Variants in CSMD2 observed in about 807,000 individuals in gnomAD.
CSMD2 encodes the protein CUB and sushi domain-containing protein 2.
CSMD2 carries 130 observed loss-of-function variants against 398.5 expected under a neutral mutation model. That is an observed-to-expected ratio of 0.33 (90% CI 0.28 to 0.38). CSMD2 has a LOEUF of 0.38. CSMD2 is among the 10% of genes least tolerant of loss of function. The pLI, the probability that CSMD2 is intolerant of heterozygous loss-of-function variation, is 1.00. For missense variants in CSMD2, 3,829 were observed against 4,764.9 expected, an observed-to-expected ratio of 0.80 and a Z score of 5.78; for synonymous variants, 1,828 against 1,908.5, an observed-to-expected ratio of 0.96 and a Z score of 1.10.
chr1:33,628,668 C>CAA (rs35461345), intron 32 of CSMD2, among the ~76,000 whole-genome samples: 72 of 83,960 alleles, frequency 8.6e-4, no homozygotes, highest in East Asian at 5.6e-3. Flanking sequence ...GACTCTGTCT[C>CAA]AAAAAAAAAA....
intron 2 of CSMD2, among the ~76,000 whole-genome samples, chr1:34,067,385 T>C (rs766781271): frequency 5.9e-5 from 9 of 152,210 alleles, no homozygotes; most frequent in Non-Finnish European, 8.8e-5. Context: ...GCAGTTCTTA[T>C]GTGCTGCCTG....
intron 2 of CSMD2, among the ~76,000 whole-genome samples, chr1:34,042,790 C>G (rs1652005885): frequency 6.6e-6 from 1 of 152,154 alleles, no homozygotes. Flanking sequence ...TCTACCCACA[C>G]TGGCTTCTAT....
chr1:33,772,416 C>A (rs868021209), intron 13 of CSMD2, 153 bp downstream of exon 13: 24 of 626,838 alleles, frequency 3.8e-5, no homozygotes, highest in African/African-American at 1.1e-4. Context: ...AGGACCCCAC[C>A]AGCAACGTTC....
intron 15 of CSMD2, among the ~76,000 whole-genome samples, chr1:33,732,649 G>C (rs1646758563): frequency 6.6e-6 from 1 of 152,224 alleles, no homozygotes; most frequent in African/African-American, 2.4e-5. Context: ...AAGGCACCAA[G>C]TCTGTGGCAC....
rs1007172601 is a variant in CSMD2 at position 33,533,131 on chromosome 1, C to G, written c.10090G>C (p.Gly3364Arg). ...GYTLIYSCQE[G>R]FSLKGGSEHR... ...TCGGAGCCACCCTTGAGGGAGAAGC[C>G]CTCCTGGCAGGAGTAGATGAGCGTG... The change falls in exon 64 of 71, where the codon GGC (glycine) becomes CGC (arginine). Residue 3364 changes from glycine to arginine, a missense_variant. Gly to Arg is a moderately radical substitution (Grantham distance 125, BLOSUM62 -2). This residue lies in a region of CSMD2 where 917 missense variants were observed against 1,199.5 expected (regional missense o/e 0.76). Transcript: ENST00000373381. The surrounding 1 kb of genome is among the most constrained non-coding windows in gnomAD (Gnocchi z 4.2). The G allele has an allele frequency of 6.2e-7, 1 of 1,613,930 alleles. No individual in the cohort carries two copies. The highest frequency in any genetic ancestry group is 8.5e-7 in the Non-Finnish European group (1 of 1,180,024).
intron 1 of CSMD2, among the ~76,000 whole-genome samples, chr1:34,090,215 G>A (rs1658397945): frequency 1.3e-5 from 2 of 152,178 alleles, no homozygotes; most frequent in South Asian, 2.1e-4. Flanking sequence ...GATTCAGATC[G>A]ACACCGGGGT....
At chr1:33,981,650 CTGGAGCTTTCAGTCTCATG>C (rs1646170650) in intron 3 of CSMD2, among the ~76,000 whole-genome samples, 1 of 152,248 alleles carries the variant, frequency 6.6e-6, no homozygotes, top group Non-Finnish European at 1.5e-5. Flanking sequence ...TGCCACTCTC[CTGGAGCTTTCAGTCTCATG>C]AAGGAGACAG....
intron 3 of CSMD2, among the ~76,000 whole-genome samples, chr1:33,994,765 C>G (rs151043419): frequency 6.6e-6 from 1 of 152,232 alleles, no homozygotes; most frequent in East Asian, 1.9e-4. Context: ...AGTTGGTTTA[C>G]GTAGCTAAGC....
At chr1:33,904,902 T>C (rs1642992025) in intron 5 of CSMD2, among the ~76,000 whole-genome samples, 1 of 152,116 alleles carries the variant, frequency 6.6e-6, no homozygotes, top group Admixed American at 6.5e-5. Context: ...CGCCTCGGCC[T>C]CCCAAAGTGC....
intron 29 of CSMD2, among the ~76,000 whole-genome samples, chr1:33,643,889 T>TGAAGGAAGGAAGGAAGGAAG (rs3078758): frequency 1.4e-3 from 203 of 142,908 alleles, no homozygotes; most frequent in African/African-American, 5.1e-3. Flanking sequence ...AGTCTGGGAA[T>TGAAGGAAGGAAGGAAGGAAG]GAAGGAAGGA....
At chr1:33,662,054 C>A (rs1644154528) in intron 26 of CSMD2, among the ~76,000 whole-genome samples, 2 of 152,032 alleles carry the variant, frequency 1.3e-5, no homozygotes, top group South Asian at 4.2e-4. Context: ...ATGGAAGAGG[C>A]ACTTCAGAGG....
intron 13 of CSMD2, among the ~76,000 whole-genome samples, chr1:33,750,053 A>G (rs911130276): frequency 2.0e-5 from 3 of 152,174 alleles, no homozygotes; most frequent in Non-Finnish European, 4.4e-5. Context: ...CAATAAGCCA[A>G]CATGACCTAC....
intron 7 of CSMD2, 133 bp downstream of exon 7, chr1:33,825,564 C>A: frequency 1.2e-6 from 1 of 811,766 alleles, no homozygotes; most frequent in Admixed American, 2.3e-5. Flanking sequence ...TGTCCAAGCG[C>A]AGAGCCCAGG....
chr1:33,950,135 T>C (rs896974168), intron 3 of CSMD2, among the ~76,000 whole-genome samples: 1 of 152,114 alleles, frequency 6.6e-6, no homozygotes, highest in Admixed American at 6.6e-5. Flanking sequence ...CTCAGTTTCT[T>C]CTCTTGGACT....
intron 6 of CSMD2, among the ~76,000 whole-genome samples, chr1:33,842,028 C>G (rs1660903175): frequency 6.6e-6 from 1 of 152,158 alleles, no homozygotes; most frequent in Non-Finnish European, 1.5e-5. Flanking sequence ...AGATAGTCTC[C>G]CAATCCCTGA....
At chr1:34,052,659 T>C (rs933076007) in intron 2 of CSMD2, among the ~76,000 whole-genome samples, 2 of 152,106 alleles carry the variant, frequency 1.3e-5, no homozygotes, top group Admixed American at 6.5e-5. Flanking sequence ...CCTATCTTCC[T>C]CTATCTGAAT....
intron 1 of CSMD2, among the ~76,000 whole-genome samples, chr1:34,143,405 T>TGAAG (rs1639486232): frequency 1.3e-5 from 2 of 152,198 alleles, no homozygotes; most frequent in Non-Finnish European, 2.9e-5. Context: ...AAGTCATCCC[T>TGAAG]GATAGGCGCT....
At chr1:33,741,468 C>G (rs958718566) in intron 14 of CSMD2, among the ~76,000 whole-genome samples, 7 of 152,192 alleles carry the variant, frequency 4.6e-5, no homozygotes, top group Non-Finnish European at 8.8e-5. Context: ...TCTAATTCAG[C>G]AGGTCTAGGA....
intron 51 of CSMD2, 144 bp from the exon 52 acceptor site, chr1:33,569,691 G>A (rs1385357921): frequency 1.2e-6 from 1 of 811,684 alleles, no homozygotes; most frequent in Non-Finnish European, 1.9e-6. Flanking sequence ...TTGTGTTGCT[G>A]ACTTGTGTGA....
Sources: allele counts gnomAD v4.1 joint callset (sites outside exome capture counted in the v4.1 genomes callset), GRCh38; gene constraint gnomAD v4.1.1; regional missense constraint gnomAD v4.1.1; non-coding constraint Gnocchi (gnomAD v3.1); transcripts MANE v1.5; gene names NCBI Gene and HGNC (gene_info 2026-07-23, HGNC 2026-07-21).